Variants in RAB21 observed in about 807,000 individuals in gnomAD.
RAB21 encodes ras-related protein Rab-21.
In RAB21, 13 loss-of-function variants were observed where a neutral mutation model predicts 33.1. The ratio of observed to expected loss-of-function variants is 0.39; its 90% confidence interval spans 0.26 to 0.62. The LOEUF (loss-of-function observed/expected upper bound fraction) is 0.62. RAB21 is among the 20% of genes least tolerant of loss of function. RAB21 has a pLI of 0.48. For missense variants in RAB21, 234 were observed against 279.1 expected (o/e 0.84, Z 1.15); for synonymous variants, 91 against 103.7 (o/e 0.88, Z 0.74).
At chr12:71,780,817 G>C (rs1246265191) in intron 4 of RAB21, among the ~76,000 whole-genome samples, 1 of 152,136 alleles carries the variant, frequency 6.6e-6, no homozygotes, top group Non-Finnish European at 1.5e-5. Flanking sequence ...TTGTCTCCTA[G>C]AATCTATATG....
chr12:71,784,852 G>T (rs1883259652), intron 6 of RAB21, among the ~76,000 whole-genome samples: 1 of 152,084 alleles, frequency 6.6e-6, no homozygotes, highest in African/African-American at 2.4e-5. Flanking sequence ...AGTGCTTTAT[G>T]AGGCCAAGGC....
In RAB21 at chr12:71,790,600, A is replaced by C. The variant is rs1883366566; in HGVS notation, c.*4927A>C. On this transcript the variant is annotated 3_prime_UTR_variant, in exon 7 of 7. Transcript: ENST00000261263. ...AAAAGAATAAAAAACATATATTGTC[A>C]AAGTGCCCTTTGGTAGTGCTCCCAA... is the stretch of plus-strand genomic sequence containing the variant. 6.6e-6 allele frequency: 1 copy of C among 152,196 alleles called. No individual in the cohort carries two copies. The highest frequency in any genetic ancestry group is 2.1e-4 in the South Asian group (1 of 4,830). The allele number at this position is 152,196 out of a possible 1,614,324, so 9.4% of individuals were successfully genotyped here.
intron 4 of RAB21, among the ~76,000 whole-genome samples, chr12:71,781,373 G>A (rs942532307): frequency 6.6e-6 from 1 of 151,934 alleles, no homozygotes; most frequent in African/African-American, 2.4e-5. Flanking sequence ...GGAGGCTGAG[G>A]CAGGAGAATG....
At position 71,774,036 on chromosome 12, in the gene RAB21, C is replaced by CT; in HGVS notation, c.391+20dup. On this transcript the variant is annotated intron_variant, in intron 4 of 6. Transcript: ENST00000261263. ...TATGTATAGTTGGTAAGCATCATTA[C>CT]TTTTTTCTAAAAAAAAAGTCCTCTG... The CT allele has an allele frequency of 1.3e-6, 2 of 1,525,678 alleles. No homozygotes were observed. The highest frequency in any genetic ancestry group is 1.8e-6 in the Non-Finnish European group (2 of 1,131,480). 94.5% of individuals were successfully genotyped at this position (1,525,678 alleles called of 1,614,324 possible). A position where few individuals can be genotyped will look rare whatever the true frequency, so the allele number is the denominator to read the frequency against.
Position 71,782,066 on chromosome 12 carries a change from T to C in RAB21, c.427T>C (p.Ser143Pro). Residue 143 changes from serine to proline, a missense_variant, in exon 5 of 7, where the codon TCC becomes CCC. Coordinates refer to ENST00000261263, the MANE Select transcript of RAB21 (RefSeq NM_014999.4). ...AGACTTGGAAAAGGAGAGACATGTTTCCATTCAAGAAGCAGAGTCGTAAGT... is the reference window on the plus strand; with the variant it reads ...AGACTTGGAAAAGGAGAGACATGTTCCCATTCAAGAAGCAGAGTCGTAAGT... ...KIDLEKERHV[S>P]IQEAESYAES... The C allele has an allele frequency of 6.2e-7, 1 of 1,607,812 alleles. No individual in the cohort carries two copies. The highest frequency in any genetic ancestry group is 8.5e-7 in the Non-Finnish European group (1 of 1,174,640).
intron 5 of RAB21, 111 bp downstream of exon 5, chr12:71,782,196 G>A (rs1251873477): frequency 9.6e-7 from 1 of 1,036,568 alleles, no homozygotes; most frequent in East Asian, 2.4e-5. Context: ...ATGGATTGAG[G>A]TGTTGGATTC....
intron 1 of RAB21, among the ~76,000 whole-genome samples, chr12:71,762,601 G>A (rs1882891772): frequency 6.6e-6 from 1 of 151,972 alleles, no homozygotes; most frequent in East Asian, 1.9e-4. Context: ...TTTTTTTCCT[G>A]AGATGGTGTA....
rs1190571876 is a variant in RAB21, at chr12:71,770,645, T to G, written c.273T>G (p.Asp91Glu). Residue 91 changes from aspartate (D) to glutamate (E), a missense_variant, in exon 3 of 7, where the codon GAT (aspartate) becomes GAG (glutamate). By Grantham distance (45) the Asp-to-Glu change is conservative. Transcript: ENST00000261263. Reference protein sequence around the residue: ...FHALGPIYYRDSNGAILVYDI... With the variant: ...FHALGPIYYRESNGAILVYDI... ...CATTGGGTCCAATTTACTACAGAGA[T>G]TCAAATGGAGCGATTTTAGTTTATG... 6.2e-7 allele frequency: 1 copy of G among 1,609,890 alleles called. No homozygotes were observed.
At chr12:71,783,848 A>C (rs567499123) in intron 6 of RAB21, among the ~76,000 whole-genome samples, 2 of 151,102 alleles carry the variant, frequency 1.3e-5, no homozygotes, top group African/African-American at 4.9e-5. Context: ...CTCCTTCCTT[A>C]CCTCCCTCCC....
At chr12:71,770,502 A>G (rs1487601149) in intron 2 of RAB21, 90 bp from the exon 3 acceptor site, 1 of 883,150 alleles carries the variant, frequency 1.1e-6, no homozygotes, top group African/African-American at 1.7e-5. Context: ...TTTATGCCAT[A>G]TTTTCCAATT....
intron 2 of RAB21, 27 bp downstream of exon 2, chr12:71,769,886 C>T (rs766187696): frequency 1.3e-5 from 16 of 1,217,796 alleles, no homozygotes; most frequent in Non-Finnish European, 1.7e-5. Flanking sequence ...AACTATTATG[C>T]GTGGAGGCTT....
Position 71,773,960 on chromosome 12 carries a change from TA to T in RAB21, c.335del (p.Asn112ThrfsTer18). On this transcript the variant is annotated frameshift_variant and splice_region_variant, in exon 4 of 7. Transcript: ENST00000261263. LOFTEE classifies it high-confidence loss of function. ...ATATGTGCTCTTTTGTATATACAGGTAAAAAACTGGGTCAAAGAATTACGGA... is the reference window on the plus strand; with the variant it reads ...ATATGTGCTCTTTTGTATATACAGGTAAAAACTGGGTCAAAGAATTACGGA... ...DITDEDSFQK[V>X]KNWVKELRKM... is the part of the protein sequence containing the mutation. 1 of 1,587,490 alleles carries T rather than the reference TA, an allele frequency of 6.3e-7. No individual in the cohort carries two copies. The highest frequency in any genetic ancestry group is 8.6e-7 in the Non-Finnish European group (1 of 1,165,176).
chr12:71,770,300 T>TTGAC (rs1441111750), intron 2 of RAB21, among the ~76,000 whole-genome samples: 4 of 152,168 alleles, frequency 2.6e-5, no homozygotes, highest in African/African-American at 9.7e-5. Context: ...GTTGGTTGTT[T>TTGAC]TGACCCTCTG....
Position 71,800,030 on chromosome 12 carries a change from G to C in RAB21, c.*14357G>C, listed in dbSNP as rs1375387337. 1 of 149,652 alleles carries C rather than the reference G, an allele frequency of 6.7e-6. No individual in the cohort carries two copies. Among genetic ancestry groups the C allele is most frequent in the Non-Finnish European group, 1.5e-5 (1 of 67,894 alleles). The allele number at this position is 149,652 out of a possible 1,614,324, so 9.3% of individuals were successfully genotyped here. ...GGAGGTTGCAGTGAGCCAAGATCATGCCCCTGTACTCCAGCCTGAGCAACA... is the reference window on the plus strand; with the variant it reads ...GGAGGTTGCAGTGAGCCAAGATCATCCCCCTGTACTCCAGCCTGAGCAACA... On this transcript the variant is annotated 3_prime_UTR_variant, in exon 7 of 7. Coordinates refer to ENST00000261263, the MANE Select transcript of RAB21 (RefSeq NM_014999.4).
rs371314591 is a variant in RAB21 at position 71,787,464 on chromosome 12, A to G, written c.*1791A>G. On this transcript the variant is annotated 3_prime_UTR_variant, in exon 7 of 7. Transcript: ENST00000261263. ...ATGGCCCCTGGATTTACTTCTTATA[A>G]GAAGCAGTAGTATGTAATAAAGCTA... 1 of 152,222 alleles carries G rather than the reference A, an allele frequency of 6.6e-6. No homozygotes were observed. 9.4% of individuals were successfully genotyped at this position (152,222 alleles called of 1,614,324 possible). A position where few individuals can be genotyped will look rare whatever the true frequency, so the allele number is the denominator to read the frequency against.
Position 71,788,654 on chromosome 12 carries a change from A to C in RAB21, c.*2981A>C, listed in dbSNP as rs550376339. The C allele has an allele frequency of 6.6e-6, 1 of 152,330 alleles. No individual in the cohort carries two copies. Among genetic ancestry groups the C allele is most frequent in the African/African-American group, 2.4e-5 (1 of 41,586 alleles). 9.4% of individuals were successfully genotyped at this position (152,330 alleles called of 1,614,324 possible). ...AGTTACCACGTTGTGTATTAAAAGCAGTAGGTAGGTTGTGCCAGTATTTTT... is the reference window on the plus strand; with the variant it reads ...AGTTACCACGTTGTGTATTAAAAGCCGTAGGTAGGTTGTGCCAGTATTTTT... On this transcript the variant is annotated 3_prime_UTR_variant, in exon 7 of 7. Transcript: ENST00000261263.
At chr12:71,762,361 A>G (rs1882885341) in intron 1 of RAB21, among the ~76,000 whole-genome samples, 1 of 152,150 alleles carries the variant, frequency 6.6e-6, no homozygotes, top group African/African-American at 2.4e-5. Flanking sequence ...GCTGGAGTGC[A>G]GTGGCGCGAT....
At chr12:71,775,561 G>T (rs1883106620) in intron 4 of RAB21, among the ~76,000 whole-genome samples, 1 of 152,044 alleles carries the variant, frequency 6.6e-6, no homozygotes, top group Non-Finnish European at 1.5e-5. Flanking sequence ...TCTTGAGACG[G>T]AGTCTCGCTC....
rs1409987570 is a variant in RAB21 at position 71,796,499 on chromosome 12, G to T, written c.*10826G>T. The stretch of plus-strand genomic sequence containing the variant: ...GTAATATTAGGATGGACATGTGTCT[G>T]GCTTATCCTTCCTATCTAGGAAACT... On this transcript the variant is annotated 3_prime_UTR_variant, in exon 7 of 7. Transcript: ENST00000261263. The T allele has an allele frequency of 7.3e-6, 1 of 137,378 alleles. No individual in the cohort carries two copies. The highest frequency in any genetic ancestry group is 1.5e-5 in the Non-Finnish European group (1 of 65,886). 8.5% of individuals were successfully genotyped at this position (137,378 alleles called of 1,614,324 possible). A position where few individuals can be genotyped will look rare whatever the true frequency, so the allele number is the denominator to read the frequency against.
Sources: gnomAD v4.1 joint callset for allele counts (sites outside exome capture counted in the v4.1 genomes callset) on GRCh38, gnomAD v4.1.1 for gene constraint, MANE v1.5 for transcripts, NCBI Gene and HGNC (gene_info 2026-07-23, HGNC 2026-07-21) for gene names.